SPTBN2: variants seen among roughly 807,000 people sequenced by gnomAD.
SPTBN2 encodes spectrin beta, non-erythrocytic 2, also known as spectrin beta chain, non-erythrocytic 2.
Under a neutral mutation model 284.2 loss-of-function variants are expected in SPTBN2, and 107 were observed. The observed-to-expected ratio is 0.38, with a 90% CI of 0.32 to 0.44. The LOEUF is 0.44. Among genes scored for constraint, SPTBN2 ranks in the 20% least tolerant of loss-of-function variants. The probability of loss-of-function intolerance (pLI) is 1.00; values close to 1 mark genes in which losing one functional copy is unlikely to be tolerated. For synonymous variants in SPTBN2, 1,289 were observed against 1,354.8 expected, an observed-to-expected ratio of 0.95 and a Z score of 1.07; for missense variants, 2,569 against 3,287.1, an observed-to-expected ratio of 0.78 and a Z score of 5.34.
chr11:66,699,752 C>A, intron 17 of SPTBN2, 144 bp from the exon 18 acceptor site: 1 of 860,836 alleles, frequency 1.2e-6, no homozygotes, highest in Non-Finnish European at 1.9e-6. Flanking sequence ...GACAGGGAGG[C>A]TGCCAGCCAG....
At position 66,738,794 on chromosome 11, in the gene SPTBN2, G is replaced by A. The variant is rs142781689; in HGVS notation, c.-475+5748C>T. On this transcript the variant is annotated intron_variant, in intron 1 of 37. Transcript: ENST00000611817. The stretch of plus-strand genomic sequence containing the variant: ...CTCCCAAAGTGCTGGGATTACAGGC[G>A]TGAGCCACTGCGCTTGGCCATTATT... 5.9e-5 allele frequency among the ~76,000 whole-genome samples: 9 copies of A among 152,014 alleles called. No homozygotes were observed. In the East Asian group the frequency reaches 1.6e-3, roughly 26 times the overall value.
At chr11:66,741,700 AT>A (rs1942896922) in intron 1 of SPTBN2, among the ~76,000 whole-genome samples, 1 of 151,950 alleles carries the variant, frequency 6.6e-6, no homozygotes, top group Non-Finnish European at 1.5e-5. Flanking sequence ...AGGGCAGGTC[AT>A]TTAGTTTCTT....
chr11:66,708,156 C>T lies in SPTBN2; in HGVS notation c.1335G>A (p.Gln445=). 1.2e-6 allele frequency: 2 copies of T among 1,613,156 alleles called. No individual in the cohort carries two copies. The highest frequency in any genetic ancestry group is 1.7e-6 in the Non-Finnish European group (2 of 1,179,904). ...AMRETWLSEN[Q]RLVSQDNFGL... is the part of the protein sequence containing the mutation. ...CAAGTCCTACCTGGGACACGAGGCG[C>T]TGGTTCTCGCTGAGCCAGGTCTCCC... The change falls in exon 12 of 38, where the codon CAG becomes CAA. Residue 445 remains glutamine, a synonymous_variant. Transcript: ENST00000533211. This position sits in a 1 kb window ranked among gnomAD's most constrained non-coding sequence, Gnocchi z 4.4.
rs776575685 is a variant in SPTBN2 at position 66,705,068 on chromosome 11, G to A, written c.2208C>T (p.Ala736=). 1.8e-5 allele frequency: 28 copies of A among 1,588,952 alleles called. No homozygotes were observed. The Admixed American group carries it at 3.3e-4, about 19-fold the overall frequency. The change falls in exon 15 of 38, where the codon GCC becomes GCT. Residue 736 remains alanine, a synonymous_variant. Transcript: ENST00000533211. ...QAQWERLEAL[A]EERAQRLAQA... ...GGGCCAGCCGCTGGGCACGCTCCTC[G>A]GCCAGGGCCTCTAGCCGCTCCCACT...
At chr11:66,716,047 T>G (rs1161921060) in intron 3 of SPTBN2, 66 bp from the exon 4 acceptor site, 1 of 1,608,224 alleles carries the variant, frequency 6.2e-7, no homozygotes, top group Non-Finnish European at 8.5e-7. Flanking sequence ...AAACACCAGT[T>G]GGCAGGGGTG....
At chr11:66,725,224 A>G (rs1816912436) in intron 1 of SPTBN2, among the ~76,000 whole-genome samples, 1 of 151,984 alleles carries the variant, frequency 6.6e-6, no homozygotes, top group Non-Finnish European at 1.5e-5. Flanking sequence ...CCATGTTGCA[A>G]CTCCACAGCC....
chr11:66,690,165 C>A lies in SPTBN2; in HGVS notation c.5684G>T (p.Ser1895Ile). 1.9e-6 allele frequency: 3 copies of A among 1,614,136 alleles called. No individual in the cohort carries two copies. The highest frequency in any genetic ancestry group is 1.7e-6 in the Non-Finnish European group (2 of 1,180,022). ...VAEAWAQLQG[S>I]SAARRQLLLD... Reference sequence around the variant, plus strand: ...CAGCAGCTGCCGGCGGGCGGCAGAGCTTCCCTGAAGCTGGGCCCAGGCCTC... The same window carrying A: ...CAGCAGCTGCCGGCGGGCGGCAGAGATTCCCTGAAGCTGGGCCCAGGCCTC... Residue 1895 changes from serine (S) to isoleucine (I), a missense_variant, in exon 28 of 38, where the codon AGC (serine) becomes ATC (isoleucine). By Grantham distance (142) the Ser-to-Ile change is moderately radical. This residue lies in a region of SPTBN2 where 1,130 missense variants were observed against 1,317.3 expected (regional missense o/e 0.86). Transcript: ENST00000533211.
intron 21 of SPTBN2, 107 bp downstream of exon 21, chr11:66,696,170 G>C: frequency 7.2e-7 from 1 of 1,384,422 alleles, no homozygotes; most frequent in East Asian, 2.4e-5. Context: ...TCTGGGAAAT[G>C]CTAGTGAAGG....
chr11:66,696,517 C>T lies in SPTBN2; in HGVS notation c.4038G>A (p.Glu1346=), dbSNP rs1454503965. The part of the protein sequence containing the change: ...VDKEGRELTL[E]KPELKALVSE... ...ACACCAGGGCTTTCAGCTCTGGCTT[C>T]TCAAGGGTGAGCTCTCGCCCTTCCT... is the stretch of plus-strand genomic sequence containing the variant. The change falls in exon 21 of 38, where the codon GAG becomes GAA. Residue 1346 remains glutamate, a synonymous_variant. Coordinates refer to ENST00000533211, the MANE Select transcript of SPTBN2 (RefSeq NM_006946.4). 1 of 1,612,010 alleles carries T rather than the reference C, an allele frequency of 6.2e-7. No homozygotes were observed. Among genetic ancestry groups the T allele is most frequent in the South Asian group, 1.1e-5 (1 of 91,092 alleles).
At position 66,705,479 on chromosome 11, in the gene SPTBN2, C is replaced by T. The variant is rs111407815; in HGVS notation, c.1808-11G>A. ...CGCAAGGTCTATACTCTGAGAAAGT[C>T]ACAGGAGAGGGTCAGAGCCTTAACC... On this transcript the variant is annotated splice_polypyrimidine_tract_variant and intron_variant, in intron 14 of 37. Coordinates refer to ENST00000533211, the MANE Select transcript of SPTBN2 (RefSeq NM_006946.4). 6.8e-6 allele frequency: 11 copies of T among 1,612,978 alleles called. No individual in the cohort carries two copies. In the African/African-American group the frequency reaches 9.3e-5, roughly 14 times the overall value.
intron 1 of SPTBN2, among the ~76,000 whole-genome samples, chr11:66,738,664 C>T (rs1246547247): frequency 6.6e-6 from 1 of 152,066 alleles, no homozygotes; most frequent in East Asian, 1.9e-4. Context: ...TACAGGTGCT[C>T]GCCACCACGC....
At chr11:66,719,796 A>G (rs755738422) in intron 3 of SPTBN2, among the ~76,000 whole-genome samples, 21 of 152,234 alleles carry the variant, frequency 1.4e-4, no homozygotes, top group Non-Finnish European at 2.4e-4. Flanking sequence ...TAGAGGCTAC[A>G]TGAATCCAAA....
chr11:66,727,311 C>T (rs1301775712), intron 1 of SPTBN2, among the ~76,000 whole-genome samples: 1 of 152,208 alleles, frequency 6.6e-6, no homozygotes, highest in Non-Finnish European at 1.5e-5. Flanking sequence ...TACCTGAAAC[C>T]CCCGGGCTCT....
chr11:66,713,890 G>A, intron 7 of SPTBN2, 144 bp from the exon 8 acceptor site: 1 of 866,146 alleles, frequency 1.2e-6, no homozygotes, highest in Non-Finnish European at 1.9e-6. Context: ...GCTGCTCACA[G>A]CCCCTCCCCA....
At position 66,686,434 on chromosome 11, in the gene SPTBN2, C is replaced by T; in HGVS notation, c.6903G>A (p.Gln2301=). The T allele has an allele frequency of 6.2e-7, 1 of 1,614,018 alleles. No homozygotes were observed. Among genetic ancestry groups the T allele is most frequent in the South Asian group, 1.1e-5 (1 of 91,080 alleles). The change falls in exon 37 of 38, where the codon CAG becomes CAA. Residue 2301 remains glutamine (Q), a synonymous_variant. Transcript: ENST00000533211. ...KRKHVFKLGL[Q]DGKEYLFQAK... ...CCTGGAATAAATATTCTTTTCCATC[C>T]TGTAAGCTGTTGGGAGAGAGAGGCC... is the stretch of plus-strand genomic sequence containing the variant.
At chr11:66,699,206 C>T in intron 18 of SPTBN2, 124 bp from the exon 19 acceptor site, 3 of 1,347,746 alleles carry the variant, frequency 2.2e-6, no homozygotes, top group South Asian at 1.2e-5. Flanking sequence ...AATGAGGCTA[C>T]CCAGGAATCC....
rs1177143570 is a variant in SPTBN2, at chr11:66,689,791, C to T, written c.5949+14G>A. On this transcript the variant is annotated intron_variant, in intron 29 of 37. Coordinates refer to ENST00000533211, the MANE Select transcript of SPTBN2 (RefSeq NM_006946.4). The stretch of plus-strand genomic sequence containing the variant: ...GCACAGTGAGAATGGCCCGGCCACC[C>T]AGGCCTCACCCACCTCCTCGGCCGC... 2.5e-6 allele frequency: 4 copies of T among 1,612,892 alleles called. No homozygotes were observed. In the Admixed American group the frequency reaches 5.0e-5, roughly 20 times the overall value.
chr11:66,707,434 G>A lies in SPTBN2; in HGVS notation c.1653+82C>T, dbSNP rs1012566172. ...GGTTCACACTCCACAGAGATCGGCC[G>A]AGCAGACGGGCGGACGCACCCACTG... On this transcript the variant is annotated intron_variant, in intron 13 of 37. Coordinates refer to ENST00000533211, the MANE Select transcript of SPTBN2 (RefSeq NM_006946.4). This position sits in a 1 kb window ranked among gnomAD's most constrained non-coding sequence, Gnocchi z 4.9. 9.0e-6 allele frequency: 13 copies of A among 1,441,254 alleles called. No individual in the cohort carries two copies. The highest frequency in any genetic ancestry group is 2.3e-4 in the Middle Eastern group (1 of 4,426). 89.3% of individuals were successfully genotyped at this position (1,441,254 alleles called of 1,614,324 possible). A position where few individuals can be genotyped will look rare whatever the true frequency, so the allele number is the denominator to read the frequency against.
Position 66,688,200 on chromosome 11 carries a change from C to T in SPTBN2, c.6343G>A (p.Gly2115Ser), listed in dbSNP as rs200435710. The T allele has an allele frequency of 1.7e-5, 27 of 1,613,632 alleles. No individual in the cohort carries two copies. Among genetic ancestry groups the T allele is most frequent in the African/African-American group, 1.2e-4 (9 of 75,056 alleles). ...ASVPPGDLVGGQTASDTTWDG... is the reference protein window; with the variant it reads ...ASVPPGDLVGSQTASDTTWDG... ...CAGGTGGTGTCAGAAGCTGTCTGGC[C>T]GCCCACCAGGTCCCCTGGAGGCACA... The change falls in exon 32 of 38, where the codon GGC (glycine) becomes AGC (serine). Residue 2115 changes from glycine to serine, a missense_variant. By Grantham distance (56) the Gly-to-Ser change is moderately conservative. Coordinates refer to ENST00000533211, the MANE Select transcript of SPTBN2 (RefSeq NM_006946.4).
Sources: gnomAD v4.1 joint callset for allele counts (sites outside exome capture counted in the v4.1 genomes callset) on GRCh38, gnomAD v4.1.1 for gene constraint, gnomAD v4.1.1 regional missense constraint, Gnocchi (gnomAD v3.1) non-coding constraint, MANE v1.5 for transcripts, NCBI Gene and HGNC (gene_info 2026-07-23, HGNC 2026-07-21) for gene names.